TRPM7: variants seen among roughly 807,000 people sequenced by gnomAD.
TRPM7 encodes the protein LTRPC ion channel family member 7.
In TRPM7, 134 loss-of-function variants were observed where a neutral mutation model predicts 229.7. That is an observed-to-expected ratio of 0.58 (90% CI 0.51 to 0.67). The LOEUF is 0.67. Ranked by LOEUF, TRPM7 falls within the 30% of genes least tolerant of loss-of-function variation. The pLI is 0.00. For synonymous variants in TRPM7, 699 were observed against 715.2 expected (o/e 0.98, Z 0.36); for missense variants, 1,901 against 2,210.0 (o/e 0.86, Z 2.80).
chr15:50,622,109 T>C (rs751352458), intron 12 of TRPM7, among the ~76,000 whole-genome samples: 1 of 152,086 alleles, frequency 6.6e-6, no homozygotes, highest in Non-Finnish European at 1.5e-5. Context: ...GAACAAATAT[T>C]TATGTTAATA....
chr15:50,606,363 A>C (rs191771617), intron 20 of TRPM7, among the ~76,000 whole-genome samples: 1 of 151,084 alleles, frequency 6.6e-6, no homozygotes, highest in East Asian at 1.9e-4. Context: ...TGGGTCACAG[A>C]GGGAGACTAC....
In TRPM7 at chr15:50,624,336, A is replaced by G. The variant is rs543987299; in HGVS notation, c.1306-36T>C. 3.4e-5 allele frequency: 52 copies of G among 1,520,000 alleles called. 1 individual carries two copies. In the South Asian group the frequency reaches 6.0e-4, roughly 17 times the overall value. The allele number at this position is 1,520,000 out of a possible 1,614,324, so 94.2% of individuals were successfully genotyped here. ...CAAATTTAATAAATACATATTTCAC[A>G]TATTCTAATTATACAAACACTTTTA... On this transcript the variant is annotated intron_variant, in intron 11 of 38. Coordinates refer to ENST00000646667, the MANE Select transcript of TRPM7 (RefSeq NM_017672.6).
At position 50,684,072 on chromosome 15, in the gene TRPM7, G is replaced by C. The variant is rs138065632; in HGVS notation, c.3+2459C>G. 9.5e-3 allele frequency among the ~76,000 whole-genome samples: 1,447 copies of C among 151,896 alleles called. 18 individuals carry two copies. The highest frequency in any genetic ancestry group is 0.033 in the African/African-American group (1,369 of 41,432). ...TCACCATGTTGGCCAGGCTAGTTTT[G>C]AACTCCTGACCTCAAGTGATCCGGG... On this transcript the variant is annotated intron_variant, in intron 1 of 38. Transcript: ENST00000646667.
At chr15:50,663,285 C>T (rs116725765) in intron 1 of TRPM7, among the ~76,000 whole-genome samples, 2,107 of 152,186 alleles carry the variant, frequency 0.014, 46 homozygotes, top group African/African-American at 0.049. Context: ...TGTGCCACTA[C>T]GACCAGATAA....
intron 13 of TRPM7, among the ~76,000 whole-genome samples, chr15:50,619,162 C>A (rs372376595): frequency 2.6e-5 from 4 of 151,792 alleles, no homozygotes; most frequent in African/African-American, 9.7e-5. Context: ...CTTTTATGAA[C>A]CAATGAGCTT....
intron 3 of TRPM7, among the ~76,000 whole-genome samples, chr15:50,651,317 A>C (rs139978326): frequency 1.7e-4 from 26 of 152,378 alleles, no homozygotes; most frequent in African/African-American, 6.3e-4. Flanking sequence ...AAAATGACAC[A>C]AAAACAAGTA....
chr15:50,652,524 T>C (rs1054519255), intron 3 of TRPM7, among the ~76,000 whole-genome samples: 51 of 91,400 alleles, frequency 5.6e-4, no homozygotes, highest in African/African-American at 1.8e-3. Flanking sequence ...AGACTCTGTC[T>C]CAAAAAAAAA....
At chr15:50,599,641 T>C (rs2059723715) in intron 21 of TRPM7, 1 of 164,718 alleles carries the variant, frequency 6.1e-6, no homozygotes, top group African/African-American at 2.4e-5. Context: ...GGGAATCAAT[T>C]TCCACAACTG....
Position 50,592,016 on chromosome 15 carries a change from A to T in TRPM7, c.4219T>A (p.Ser1407Thr). The T allele has an allele frequency of 1.2e-6, 2 of 1,613,362 alleles. No homozygotes were observed. Among genetic ancestry groups the T allele is most frequent in the Non-Finnish European group, 1.7e-6 (2 of 1,179,740 alleles). The change falls in exon 26 of 39, where the codon TCT becomes ACT. Residue 1407 changes from serine to threonine, a missense_variant. Physicochemically the swap from Ser to Thr is moderately conservative, Grantham distance 58. Coordinates refer to ENST00000646667, the MANE Select transcript of TRPM7 (RefSeq NM_017672.6). ...AAGTGGCTTTTGCAACTTGGCTGAG[A>T]TGGTGTACTAACAAAAAATTTGGTT... ...PPTKFFVSTP[S>T]QPSCKSHLET... is the part of the protein sequence containing the mutation.
At chr15:50,632,566 C>G (rs954051521) in intron 9 of TRPM7, among the ~76,000 whole-genome samples, 4 of 152,228 alleles carry the variant, frequency 2.6e-5, no homozygotes, top group Admixed American at 2.6e-4. Context: ...AAACCATTAA[C>G]AACTCTTTAT....
chr15:50,674,916 C>T (rs1011031792), intron 1 of TRPM7, among the ~76,000 whole-genome samples: 5 of 152,134 alleles, frequency 3.3e-5, no homozygotes, highest in Admixed American at 2.6e-4. Flanking sequence ...AGAGTTGTTT[C>T]TCATTGGCAA....
chr15:50,636,638 T>A (rs544346282), intron 7 of TRPM7, among the ~76,000 whole-genome samples: 2 of 152,224 alleles, frequency 1.3e-5, no homozygotes, highest in African/African-American at 2.4e-5. Context: ...AATAAAAATT[T>A]AGATGTTGAA....
intron 5 of TRPM7, among the ~76,000 whole-genome samples, chr15:50,640,752 T>G (rs1431571219): frequency 6.6e-6 from 1 of 152,142 alleles, no homozygotes; most frequent in Non-Finnish European, 1.5e-5. Flanking sequence ...ATAAGGCCTC[T>G]GGAGTGGCCC....
intron 5 of TRPM7, among the ~76,000 whole-genome samples, chr15:50,640,519 C>CA (rs1407215601): frequency 1.2e-4 from 18 of 150,054 alleles, no homozygotes; most frequent in Non-Finnish European, 1.5e-5. Context: ...CTCCTGGGCT[C>CA]AAGTGATCCT....
intron 1 of TRPM7, among the ~76,000 whole-genome samples, chr15:50,685,945 G>C (rs1163030747): frequency 6.6e-6 from 1 of 152,036 alleles, no homozygotes; most frequent in African/African-American, 2.4e-5. Context: ...AAAGAAAAAA[G>C]ATCTACCATC....
At chr15:50,684,990 C>A (rs909204374) in intron 1 of TRPM7, among the ~76,000 whole-genome samples, 8 of 152,098 alleles carry the variant, frequency 5.3e-5, no homozygotes, top group Admixed American at 3.3e-4. Flanking sequence ...TTAAAAAGTC[C>A]TTGTCTTTTT....
At chr15:50,607,880 C>A (rs2059959633) in intron 19 of TRPM7, among the ~76,000 whole-genome samples, 1 of 125,044 alleles carries the variant, frequency 8.0e-6, no homozygotes. Context: ...AACTCCATCT[C>A]TACTGAAAAA....
chr15:50,591,247 G>C (rs1301532991), intron 26 of TRPM7, among the ~76,000 whole-genome samples: 2 of 151,984 alleles, frequency 1.3e-5, no homozygotes, highest in Non-Finnish European at 2.9e-5. Context: ...AAAGTGTCTT[G>C]GTTTGGGTAA....
intron 27 of TRPM7, among the ~76,000 whole-genome samples, chr15:50,588,471 A>G (rs2059400245): frequency 6.6e-6 from 1 of 152,210 alleles, no homozygotes; most frequent in African/African-American, 2.4e-5. Flanking sequence ...CAATATAAAA[A>G]TGCATTTGAG....
Sources: allele counts gnomAD v4.1 joint callset (sites outside exome capture counted in the v4.1 genomes callset), GRCh38; gene constraint gnomAD v4.1.1; transcripts MANE v1.5; gene names NCBI Gene and HGNC (gene_info 2026-07-23, HGNC 2026-07-21).